The following CNTNAP2 variants were observed in gnomAD, a reference collection of about 807,000 sequenced individuals.
The protein encoded by CNTNAP2 is contactin-associated protein-like 2.
In CNTNAP2, 98 loss-of-function variants were observed where a neutral mutation model predicts 155.2. The ratio of observed to expected loss-of-function variants is 0.63; its 90% CI spans 0.54 to 0.75. CNTNAP2 has a LOEUF of 0.75. Ranked by LOEUF, CNTNAP2 falls within the 30% of genes least tolerant of loss-of-function variation. The probability of loss-of-function intolerance (pLI) is 0.00; values close to 1 mark genes in which losing one functional copy is unlikely to be tolerated. For missense variants in CNTNAP2, 1,727 were observed against 1,688.1 expected (o/e 1.02, Z -0.40); for synonymous variants, 651 against 631.2 (o/e 1.03, Z -0.47).
chr7:146,882,393 C>G (rs1030486935), intron 3 of CNTNAP2, among the ~76,000 whole-genome samples: 4 of 151,946 alleles, frequency 2.6e-5, no homozygotes, highest in Non-Finnish European at 5.9e-5. Flanking sequence ...ATTATAATCC[C>G]CATGTGTTAG....
intron 8 of CNTNAP2, among the ~76,000 whole-genome samples, chr7:147,260,065 G>A (rs552052912): frequency 3.9e-5 from 6 of 152,232 alleles, no homozygotes; most frequent in South Asian, 2.1e-4. Flanking sequence ...GTGGATTTCC[G>A]AACAGAAAAT....
intron 15 of CNTNAP2, chr7:147,978,190 G>A (rs1214607074): frequency 6.3e-6 from 4 of 637,014 alleles, no homozygotes; most frequent in Non-Finnish European, 1.1e-5. Context: ...GGCATAAAGT[G>A]GGGATATCCA....
At chr7:146,381,286 C>G (rs1365064291) in intron 1 of CNTNAP2, among the ~76,000 whole-genome samples, 2 of 152,126 alleles carry the variant, frequency 1.3e-5, no homozygotes, top group Non-Finnish European at 2.9e-5. Context: ...CTTTTGTTCA[C>G]AAATTTGAGA....
intron 9 of CNTNAP2, among the ~76,000 whole-genome samples, chr7:147,301,803 A>G (rs1271320545): frequency 6.6e-6 from 1 of 152,156 alleles, no homozygotes; most frequent in Non-Finnish European, 1.5e-5. Context: ...GCAAGACGTC[A>G]CTTTATTATG....
At chr7:148,391,897 G>T (rs1353160245) in intron 22 of CNTNAP2, among the ~76,000 whole-genome samples, 1 of 152,144 alleles carries the variant, frequency 6.6e-6, no homozygotes, top group Non-Finnish European at 1.5e-5. Context: ...TTTAAAAGGC[G>T]TTTGTGTTAA....
chr7:146,900,429 C>G (rs889986430), intron 3 of CNTNAP2, among the ~76,000 whole-genome samples: 10 of 152,232 alleles, frequency 6.6e-5, no homozygotes, highest in African/African-American at 2.4e-4. Flanking sequence ...AGAGGGAAAG[C>G]AGTTTACTTA....
intron 1 of CNTNAP2, among the ~76,000 whole-genome samples, chr7:146,322,920 G>C (rs1801031487): frequency 6.6e-6 from 1 of 151,870 alleles, no homozygotes; most frequent in South Asian, 2.1e-4. Context: ...ATGAGCATTA[G>C]AAAATAATGA....
At chr7:147,725,866 G>A (rs1292951321) in intron 13 of CNTNAP2, among the ~76,000 whole-genome samples, 3 of 152,224 alleles carry the variant, frequency 2.0e-5, no homozygotes, top group Non-Finnish European at 4.4e-5. Flanking sequence ...TCTGTCAAGT[G>A]AGGAACTAGG....
intron 9 of CNTNAP2, among the ~76,000 whole-genome samples, chr7:147,375,554 C>G (rs2087180599): frequency 6.6e-6 from 1 of 151,952 alleles, no homozygotes; most frequent in Admixed American, 6.6e-5. Context: ...GTGTAGGGGG[C>G]CCCAGCCAAT....
chr7:147,769,495 A>G lies in CNTNAP2; in HGVS notation c.2098+130189A>G, dbSNP rs1297506984. Among the ~76,000 whole-genome samples the G allele has an allele frequency of 2.6e-5, 4 of 152,302 alleles. No homozygotes were observed. The East Asian group carries it at 5.8e-4, about 22-fold the overall frequency. On this transcript the variant is annotated intron_variant, in intron 13 of 23. Transcript: ENST00000361727. Reference sequence around the variant, plus strand: ...GTCTGATTATCCAAAGAAAAAGCCAATATTTGAAAAGGTGTTATTCACAAT... The same window carrying G: ...GTCTGATTATCCAAAGAAAAAGCCAGTATTTGAAAAGGTGTTATTCACAAT...
intron 10 of CNTNAP2, among the ~76,000 whole-genome samples, chr7:147,437,251 A>G (rs1469551577): frequency 1.3e-5 from 2 of 152,088 alleles, no homozygotes; most frequent in Non-Finnish European, 2.9e-5. Context: ...GTGAAATTGG[A>G]AAGTATGTAG....
chr7:147,459,793 G>A (rs1318085597), intron 10 of CNTNAP2, among the ~76,000 whole-genome samples: 1 of 152,196 alleles, frequency 6.6e-6, no homozygotes, highest in African/African-American at 2.4e-5. Flanking sequence ...CACTAAGTTT[G>A]TGGAAATTTG....
intron 13 of CNTNAP2, among the ~76,000 whole-genome samples, chr7:147,862,357 G>A (rs1466724184): frequency 6.6e-6 from 1 of 151,732 alleles, no homozygotes; most frequent in African/African-American, 2.4e-5. Context: ...TATTTGGCTT[G>A]TGTCGTATCC....
chr7:146,694,507 C>G (rs1800750534), intron 1 of CNTNAP2, among the ~76,000 whole-genome samples: 1 of 152,128 alleles, frequency 6.6e-6, no homozygotes, highest in African/African-American at 2.4e-5. Context: ...ATCACTATGG[C>G]CTAATATAAG....
At chr7:146,527,040 G>A (rs1220744624) in intron 1 of CNTNAP2, among the ~76,000 whole-genome samples, 3 of 151,582 alleles carry the variant, frequency 2.0e-5, no homozygotes, top group African/African-American at 7.3e-5. Flanking sequence ...AGGCCACCCT[G>A]CCTAGCCATG....
chr7:148,151,498 G>A (rs1805295057), intron 17 of CNTNAP2, among the ~76,000 whole-genome samples: 1 of 151,918 alleles, frequency 6.6e-6, no homozygotes, highest in South Asian at 2.1e-4. Flanking sequence ...GTTTCACCAT[G>A]TTGGCCAGGC....
At chr7:147,692,927 G>C (rs1045874171) in intron 13 of CNTNAP2, among the ~76,000 whole-genome samples, 1 of 151,952 alleles carries the variant, frequency 6.6e-6, no homozygotes, top group Non-Finnish European at 1.5e-5. Context: ...ACCATAGGTC[G>C]TCTAGATTTT....
chr7:147,469,442 G>C (rs930277452), intron 10 of CNTNAP2, among the ~76,000 whole-genome samples: 1 of 150,542 alleles, frequency 6.6e-6, no homozygotes, highest in African/African-American at 2.4e-5. Flanking sequence ...TGCCTTCACT[G>C]CATTTTAGCA....
Position 146,839,831 on chromosome 7 carries a change from T to G in CNTNAP2, c.329T>G (p.Val110Gly). The G allele has an allele frequency of 6.2e-7, 1 of 1,614,122 alleles. No homozygotes were observed. The highest frequency in any genetic ancestry group is 8.5e-7 in the Non-Finnish European group (1 of 1,180,034). Reference sequence around the variant, plus strand: ...GGAAGGTATAGCAGCTCAGATTGGGTGACCCAATACCGGATGCTCTACAGC... The same window carrying G: ...GGAAGGTATAGCAGCTCAGATTGGGGGACCCAATACCGGATGCTCTACAGC... ...TQGRYSSSDW[V>G]TQYRMLYSDT... Residue 110 changes from valine (V) to glycine (G), a missense_variant, in exon 3 of 24, where the codon GTG (valine) becomes GGG (glycine). Transcript: ENST00000361727.
Sources: gnomAD v4.1 joint callset for allele counts (sites outside exome capture counted in the v4.1 genomes callset) on GRCh38, gnomAD v4.1.1 for gene constraint, MANE v1.5 for transcripts, NCBI Gene and HGNC (gene_info 2026-07-23, HGNC 2026-07-21) for gene names.